Variants in MTFR1 observed in about 807,000 individuals in gnomAD.
MTFR1 encodes the protein mitochondrial fission regulator 1, also known as chondrocyte protein with a poly-proline region.
Under a neutral mutation model 38.8 loss-of-function variants are expected in MTFR1, and 28 were observed. The observed-to-expected ratio is 0.72, with a 90% CI of 0.53 to 0.99. MTFR1 has a LOEUF of 0.99. Ranked by LOEUF, MTFR1 falls within the 50% of genes least tolerant of loss-of-function variation. The pLI is 0.00. For missense variants in MTFR1, 358 were observed against 395.5 expected, an observed-to-expected ratio of 0.91 and a Z score of 0.81; for synonymous variants, 145 against 137.0, an observed-to-expected ratio of 1.06 and a Z score of -0.41.
intron 4 of MTFR1, among the ~76,000 whole-genome samples, chr8:65,695,101 T>C (rs192830906): frequency 6.6e-6 from 1 of 152,238 alleles, no homozygotes; most frequent in African/African-American, 2.4e-5. Context: ...AAAATCAACA[T>C]GTAAACAGTA....
chr8:65,739,491 G>A (rs1049746251), intron 3 of MTFR1: 48 of 1,545,714 alleles, frequency 3.1e-5, no homozygotes, highest in Non-Finnish European at 4.1e-5. Flanking sequence ...TAATGGGTTA[G>A]AATCACTTAC....
intron 1 of MTFR1, among the ~76,000 whole-genome samples, chr8:65,662,507 G>T: frequency 6.7e-6 from 1 of 148,954 alleles, no homozygotes; most frequent in Non-Finnish European, 1.5e-5. Flanking sequence ...TGCAGCCTCT[G>T]CCCGGCCGCC....
chr8:65,708,293 CCT>C (rs933986216), intron 7 of MTFR1: 1 of 498,944 alleles, frequency 2.0e-6, no homozygotes, highest in Non-Finnish European at 3.6e-6. Context: ...AAAGTTAACC[CCT>C]GAGCTCACTA....
At chr8:65,661,820 C>T (rs1188992874) in intron 1 of MTFR1, among the ~76,000 whole-genome samples, 1 of 151,830 alleles carries the variant, frequency 6.6e-6, no homozygotes, top group Non-Finnish European at 1.5e-5. Context: ...CAAAATTAGC[C>T]AGGCATGGTG....
intron 3 of MTFR1, chr8:65,726,882 C>T (rs1806635367): frequency 1.9e-6 from 3 of 1,578,616 alleles, no homozygotes; most frequent in Non-Finnish European, 1.7e-6. Context: ...TACCTGCTTT[C>T]TAATGGCAGA....
intron 3 of MTFR1, among the ~76,000 whole-genome samples, chr8:65,685,897 G>GGGTTGAGGAGACAAGTAGA (rs1265190779): frequency 4.4e-4 from 67 of 152,192 alleles, no homozygotes; most frequent in Admixed American, 3.9e-3. Flanking sequence ...CTGCTCTACA[G>GGGTTGAGGAGACAAGTAGA]GGTTGAGGAG....
chr8:65,739,603 A>C, intron 3 of MTFR1: 1 of 1,513,458 alleles, frequency 6.6e-7, no homozygotes, highest in Non-Finnish European at 8.8e-7. Flanking sequence ...ATTTCCTAAA[A>C]AGAAAGAAGA....
intron 3 of MTFR1, among the ~76,000 whole-genome samples, chr8:65,691,262 T>G (rs1448664733): frequency 1.3e-5 from 2 of 152,134 alleles, no homozygotes; most frequent in Non-Finnish European, 2.9e-5. Context: ...GGTTTATTTG[T>G]TTTTGTTTTT....
chr8:65,730,275 G>T (rs1189819540), intron 3 of MTFR1, among the ~76,000 whole-genome samples: 1 of 135,486 alleles, frequency 7.4e-6, no homozygotes, highest in Non-Finnish European at 1.5e-5. Flanking sequence ...CCACCTCCCG[G>T]GTTTAAGTGA....
chr8:65,651,488 A>C (rs1309034823), intron 1 of MTFR1, among the ~76,000 whole-genome samples: 1 of 152,208 alleles, frequency 6.6e-6, no homozygotes, highest in Admixed American at 6.5e-5. Context: ...ATATGGCAAG[A>C]GATGGGTTGT....
rs73240744 is a variant in MTFR1 at position 65,705,000 on chromosome 8, A to T, written c.517+71A>T. The T allele has an allele frequency of 1.6e-4, 208 of 1,285,496 alleles. 1 individual carries two copies. The African/African-American group carries it at 2.8e-3, about 17-fold the overall frequency. 79.6% of individuals were successfully genotyped at this position (1,285,496 alleles called of 1,614,324 possible). ...TTAGGAGAATGCTACTTACTTTAAA[A>T]TCAATTAGTAACAGCTATTGGGGTT... is the stretch of plus-strand genomic sequence containing the variant. On this transcript the variant is annotated intron_variant, in intron 5 of 7. Transcript: ENST00000262146.
At chr8:65,696,833 G>C (rs1805456755) in intron 4 of MTFR1, among the ~76,000 whole-genome samples, 1 of 151,506 alleles carries the variant, frequency 6.6e-6, no homozygotes. Context: ...CCTAATTTTT[G>C]TATTTTTAGT....
Position 65,693,701 on chromosome 8 carries a change from T to A in MTFR1, c.223T>A (p.Ser75Thr). 1.9e-6 allele frequency: 3 copies of A among 1,614,182 alleles called. No individual in the cohort carries two copies. Among genetic ancestry groups the A allele is most frequent in the Non-Finnish European group, 2.5e-6 (3 of 1,180,030 alleles). The stretch of plus-strand genomic sequence containing the variant: ...CCACCCAGGAGAGGATGCAGTGGCG[T>A]CTTTTGCTGATGTTGGATGGGTAGC... ...PSHPGEDAVA[S>T]FADVGWVAKE... Residue 75 changes from serine (S) to threonine (T), a missense_variant, in exon 4 of 8, where the codon TCT becomes ACT. By Grantham distance (58) the Ser-to-Thr change is moderately conservative. Coordinates refer to ENST00000262146, the MANE Select transcript of MTFR1 (RefSeq NM_014637.4).
chr8:65,756,436 T>C (rs942624322), intron 3 of MTFR1, among the ~76,000 whole-genome samples: 12 of 152,160 alleles, frequency 7.9e-5, no homozygotes, highest in African/African-American at 2.7e-4. Context: ...TCTCTTTTTT[T>C]TCTCTCTCTC....
chr8:65,691,530 C>G (rs992514535), intron 3 of MTFR1, among the ~76,000 whole-genome samples: 17 of 152,160 alleles, frequency 1.1e-4, no homozygotes, highest in African/African-American at 4.1e-4. Flanking sequence ...GGGCCTCAAG[C>G]CATCCGCCAT....
rs1404392430 is a variant in MTFR1, at chr8:65,662,724, A to C, written c.-80-7149A>C. On this transcript the variant is annotated intron_variant, in intron 1 of 7. Coordinates refer to ENST00000262146, the MANE Select transcript of MTFR1 (RefSeq NM_014637.4). ...CGCCCGGCAGCCACACCGTCTGAGA[A>C]GTGAGGAGCCCCTCCGCCCGGCAGC... is the stretch of plus-strand genomic sequence containing the variant. Among the ~76,000 whole-genome samples, 101 of 127,758 alleles carry C rather than the reference A, an allele frequency of 7.9e-4. 3 individuals are homozygous for C. The highest frequency in any genetic ancestry group is 2.8e-3 in the African/African-American group (97 of 34,754). 83.8% of individuals were successfully genotyped at this position (127,758 alleles called of 152,430 possible).
the MTFR1 span, among the ~76,000 whole-genome samples, chr8:65,778,007 C>T: frequency 1.3e-5 from 2 of 152,164 alleles, no homozygotes; most frequent in African/African-American, 4.8e-5. Flanking sequence ...ATTTTTCCCT[C>T]TCCTCTCCTT....
chr8:65,652,204 T>G (rs1809141357), intron 1 of MTFR1, among the ~76,000 whole-genome samples: 2 of 152,044 alleles, frequency 1.3e-5, no homozygotes, highest in South Asian at 4.1e-4. Context: ...CCTCCCAGGT[T>G]CAAGCAACTC....
intron 3 of MTFR1, among the ~76,000 whole-genome samples, chr8:65,754,842 G>A (rs1808146621): frequency 6.7e-6 from 1 of 148,988 alleles, no homozygotes; most frequent in African/African-American, 2.4e-5. Context: ...GCATGCACCT[G>A]TAGTCCCATC....
Sources: allele counts gnomAD v4.1 joint callset (sites outside exome capture counted in the v4.1 genomes callset), GRCh38; gene constraint gnomAD v4.1.1; transcripts MANE v1.5; gene names NCBI Gene and HGNC (gene_info 2026-07-23, HGNC 2026-07-21).